The following RRBP1 variants were observed in gnomAD, a reference collection of about 807,000 sequenced individuals.
RRBP1 encodes ribosome binding protein 1.
A neutral mutation model predicts 165.2 loss-of-function variants in RRBP1; 94 were observed. That is an observed-to-expected ratio of 0.57 (90% CI 0.48 to 0.68). RRBP1 has a LOEUF of 0.68. RRBP1 is among the 30% of genes least tolerant of loss of function. The pLI, the probability that RRBP1 is intolerant of heterozygous loss-of-function variation, is 0.00. For synonymous variants in RRBP1, 680 were observed against 714.5 expected (o/e 0.95, Z 0.77); for missense variants, 1,676 against 1,763.0 (o/e 0.95, Z 0.88).
Position 17,627,691 on chromosome 20 carries a change from G to A in RRBP1, c.2750-9C>T, listed in dbSNP as rs1327490080. The A allele has an allele frequency of 6.3e-7, 1 of 1,578,668 alleles. No homozygotes were observed. The highest frequency in any genetic ancestry group is 8.6e-7 in the Non-Finnish European group (1 of 1,160,976). On this transcript the variant is annotated splice_polypyrimidine_tract_variant and intron_variant, in intron 9 of 24. Coordinates refer to ENST00000377813, the MANE Select transcript of RRBP1 (RefSeq NM_001365613.2). The stretch of plus-strand genomic sequence containing the variant: ...TAACTTGCTGTGCAGCTCTGGTGCA[G>A]AGGAAGGGAAACGAGAAGTTAAGAG...
At chr20:17,653,017 A>G (rs1410614876) in intron 3 of RRBP1, among the ~76,000 whole-genome samples, 1 of 152,150 alleles carries the variant, frequency 6.6e-6, no homozygotes, top group Non-Finnish European at 1.5e-5. Flanking sequence ...CAAGAAAATC[A>G]TCCGAGGGCA....
At position 17,643,338 on chromosome 20, in the gene RRBP1, C is replaced by G. The variant is rs1262212360; in HGVS notation, c.1913-211G>C. Among the ~76,000 whole-genome samples, 1 of 152,042 alleles carries G rather than the reference C, an allele frequency of 6.6e-6. No homozygotes were observed. Among genetic ancestry groups the G allele is most frequent in the Non-Finnish European group, 1.5e-5 (1 of 67,996 alleles). On this transcript the variant is annotated intron_variant, in intron 3 of 24. Coordinates refer to ENST00000377813, the MANE Select transcript of RRBP1 (RefSeq NM_001365613.2). This position sits in a 1 kb window ranked among gnomAD's most constrained non-coding sequence, Gnocchi z 4.3. ...CTGACTCAACGATAGGTCCCTGCAC[C>G]GTCCTAACTCGCCCATAGGAAGTCC...
At chr20:17,615,295 G>C (rs1600721216) in intron 23 of RRBP1, 136 bp downstream of exon 23, 1 of 664,666 alleles carries the variant, frequency 1.5e-6, no homozygotes, top group Non-Finnish European at 2.5e-6. Flanking sequence ...CCCGGGTAGT[G>C]ACAAGGGGAA....
intron 5 of RRBP1, chr20:17,641,511 C>G: frequency 2.0e-6 from 1 of 497,870 alleles, no homozygotes; most frequent in Non-Finnish European, 3.6e-6. Flanking sequence ...ATCCCCATCA[C>G]AAACTGATGC....
At chr20:17,614,591 C>T (rs1302377243) in intron 24 of RRBP1, 146 bp downstream of exon 24, 27 of 1,007,688 alleles carry the variant, frequency 2.7e-5, no homozygotes, top group South Asian at 6.4e-5. Flanking sequence ...CCACTACCTC[C>T]GCCCAGCTCT....
intron 8 of RRBP1, among the ~76,000 whole-genome samples, chr20:17,632,784 A>G (rs1272445370): frequency 6.6e-6 from 1 of 152,162 alleles, no homozygotes; most frequent in African/African-American, 2.4e-5. Context: ...ACGGATGGGA[A>G]TTCATCAGGC....
chr20:17,670,740 T>C (rs2036961590), intron 2 of RRBP1, among the ~76,000 whole-genome samples: 2 of 152,368 alleles, frequency 1.3e-5, no homozygotes, highest in Admixed American at 1.3e-4. Flanking sequence ...GTAGCTATCT[T>C]GGGTTTTTGT....
intron 7 of RRBP1, among the ~76,000 whole-genome samples, chr20:17,634,814 G>C (rs1300205353): frequency 2.0e-5 from 3 of 152,196 alleles, no homozygotes; most frequent in Non-Finnish European, 4.4e-5. Flanking sequence ...CAGAGGGGAA[G>C]GCAGCTGCTG....
chr20:17,614,588 C>T, intron 24 of RRBP1, 149 bp downstream of exon 24: 1 of 983,072 alleles, frequency 1.0e-6, no homozygotes, highest in Non-Finnish European at 1.5e-6. Context: ...TCCCCACTAC[C>T]TCCGCCCAGC....
intron 13 of RRBP1, chr20:17,623,433 G>A (rs2035953173): frequency 6.6e-6 from 1 of 152,248 alleles, no homozygotes; most frequent in African/African-American, 2.4e-5. Context: ...AGGGCCTTTA[G>A]TTGCAGCTGC....
intron 8 of RRBP1, among the ~76,000 whole-genome samples, chr20:17,630,893 A>G (rs2036137895): frequency 6.6e-6 from 1 of 152,066 alleles, no homozygotes; most frequent in African/African-American, 2.4e-5. Flanking sequence ...ATCCACATCC[A>G]TTTTCATTTT....
chr20:17,647,605 G>A (rs967712668), intron 3 of RRBP1, among the ~76,000 whole-genome samples: 16 of 152,354 alleles, frequency 1.1e-4, no homozygotes, highest in African/African-American at 3.6e-4. Flanking sequence ...TAAGAGCCCA[G>A]GACCAGGATC....
At chr20:17,661,303 G>A (rs186134716) in intron 2 of RRBP1, among the ~76,000 whole-genome samples, 15 of 152,352 alleles carry the variant, frequency 9.8e-5, no homozygotes, top group Admixed American at 9.8e-4. Flanking sequence ...TAGCTCCTGA[G>A]GAGTTATGGA....
chr20:17,676,177 C>G (rs1438583584), intron 2 of RRBP1, among the ~76,000 whole-genome samples: 1 of 152,162 alleles, frequency 6.6e-6, no homozygotes, highest in Non-Finnish European at 1.5e-5. Context: ...CCACTGTACT[C>G]CAGCCTGGGT....
At chr20:17,667,957 C>CT (rs2036901710) in intron 2 of RRBP1, among the ~76,000 whole-genome samples, 2 of 152,238 alleles carry the variant, frequency 1.3e-5, no homozygotes, top group South Asian at 4.1e-4. Context: ...TTTCACTTGT[C>CT]TTCCGGCATT....
At position 17,614,815 on chromosome 20, in the gene RRBP1, C is replaced by T. The variant is rs1568748143; in HGVS notation, c.4116G>A (p.Glu1372=). The T allele has an allele frequency of 6.2e-7, 1 of 1,613,908 alleles. No homozygotes were observed. Among genetic ancestry groups the T allele is most frequent in the Non-Finnish European group, 8.5e-7 (1 of 1,180,026 alleles). Residue 1372 remains glutamate (E), a synonymous_variant, in exon 24 of 25, where the codon GAG becomes GAA. Coordinates refer to ENST00000377813, the MANE Select transcript of RRBP1 (RefSeq NM_001365613.2). ...GCTGCTCCTGGGTCGTCTTCAGAAG[C>T]TCCTGCAGTCTCGTGGCGGCGCGCC... is the stretch of plus-strand genomic sequence containing the variant. ...DLGRAATRLQ[E]LLKTTQEQLA...
In RRBP1 at chr20:17,643,546, G is replaced by A. The variant is rs1230946241; in HGVS notation, c.1913-419C>T. Among the ~76,000 whole-genome samples the A allele has an allele frequency of 2.6e-5, 4 of 151,984 alleles. No individual in the cohort carries two copies. The highest frequency in any genetic ancestry group is 5.9e-5 in the Non-Finnish European group (4 of 68,010). On this transcript the variant is annotated intron_variant, in intron 3 of 24. Transcript: ENST00000377813. This position sits in a 1 kb window ranked among gnomAD's most constrained non-coding sequence, Gnocchi z 4.3. ...ATGGTTCTCCCCACTGGCTGTGACTGAGCCCCGTGGCCTTGTGGGACCTGA... is the reference window on the plus strand; with the variant it reads ...ATGGTTCTCCCCACTGGCTGTGACTAAGCCCCGTGGCCTTGTGGGACCTGA...
Position 17,620,480 on chromosome 20 carries a change from T to C in RRBP1, c.3508-110A>G, listed in dbSNP as rs780645906. ...GACCCAACTTAGGAAGCCCCGGGGG[T>C]GCCCACTCCGCCCAGCTGGGACGGT... On this transcript the variant is annotated intron_variant, in intron 17 of 24. Coordinates refer to ENST00000377813, the MANE Select transcript of RRBP1 (RefSeq NM_001365613.2). 4 of 1,026,060 alleles carry C rather than the reference T, an allele frequency of 3.9e-6. No homozygotes were observed. In the African/African-American group the frequency reaches 6.3e-5, roughly 16 times the overall value. The allele number at this position is 1,026,060 out of a possible 1,614,324, so 63.6% of individuals were successfully genotyped here. A position where few individuals can be genotyped will look rare whatever the true frequency, so the allele number is the denominator to read the frequency against.
intron 12 of RRBP1, among the ~76,000 whole-genome samples, chr20:17,624,917 C>G (rs755235313): frequency 4.6e-5 from 7 of 152,210 alleles, no homozygotes; most frequent in Non-Finnish European, 7.4e-5. Context: ...GATAAAGACA[C>G]CACTAGCCAA....
Sources: allele counts gnomAD v4.1 joint callset (sites outside exome capture counted in the v4.1 genomes callset), GRCh38; gene constraint gnomAD v4.1.1; non-coding constraint Gnocchi (gnomAD v3.1); transcripts MANE v1.5; gene names NCBI Gene and HGNC (gene_info 2026-07-23, HGNC 2026-07-21).